Variants in MARCHF1 observed in about 807,000 individuals in gnomAD.
The protein encoded by MARCHF1 is membrane associated ring-CH-type finger 1.
In MARCHF1, 40 loss-of-function variants were observed where a neutral mutation model predicts 54.2. The ratio of observed to expected loss-of-function variants is 0.74; its 90% CI spans 0.57 to 0.96. MARCHF1 has a LOEUF of 0.96. Among genes scored for constraint, MARCHF1 ranks in the 40% least tolerant of loss-of-function variants. The pLI, the probability that MARCHF1 is intolerant of heterozygous loss-of-function variation, is 0.00. For missense variants in MARCHF1, 586 were observed against 656.5 expected, an observed-to-expected ratio of 0.89 and a Z score of 1.17; for synonymous variants, 236 against 236.3, an observed-to-expected ratio of 1.00 and a Z score of 0.01.
chr4:164,326,916 G>A (rs1283526225), intron 1 of MARCHF1, among the ~76,000 whole-genome samples: 1 of 150,342 alleles, frequency 6.7e-6, no homozygotes, highest in Non-Finnish European at 1.5e-5. Context: ...GTTCAATAGG[G>A]GGTTAATAAT....
intron 1 of MARCHF1, among the ~76,000 whole-genome samples, chr4:164,162,569 A>T (rs932938581): frequency 6.6e-6 from 1 of 152,170 alleles, no homozygotes; most frequent in Non-Finnish European, 1.5e-5. Flanking sequence ...AAACCAGAGG[A>T]CAACAGAGGT....
intron 1 of MARCHF1, among the ~76,000 whole-genome samples, chr4:164,248,789 T>G (rs1019797064): frequency 6.6e-6 from 1 of 152,056 alleles, no homozygotes; most frequent in Non-Finnish European, 1.5e-5. Flanking sequence ...TATTTCTCAG[T>G]TCTTTACATG....
intron 2 of MARCHF1, among the ~76,000 whole-genome samples, chr4:164,017,412 T>C (rs910526546): frequency 9.9e-5 from 15 of 152,046 alleles, no homozygotes; most frequent in Non-Finnish European, 1.8e-4. Flanking sequence ...ATCAGTTCTA[T>C]AGAAAAGTCT....
At chr4:164,010,332 C>T (rs752941622) in intron 2 of MARCHF1, among the ~76,000 whole-genome samples, 6 of 151,526 alleles carry the variant, frequency 4.0e-5, no homozygotes, top group South Asian at 4.2e-4. Flanking sequence ...CTCTTGACCT[C>T]GTGATCTGCC....
At chr4:164,099,706 T>C (rs6536797) in intron 2 of MARCHF1, among the ~76,000 whole-genome samples, 127,585 of 152,014 alleles carry the variant, frequency 0.84, 54,045 homozygotes, top group Non-Finnish European at 0.89. Context: ...AATGAGAGTT[T>C]GTCATGCTTA....
intron 3 of MARCHF1, among the ~76,000 whole-genome samples, chr4:163,897,990 G>C (rs962093964): frequency 1.3e-5 from 2 of 150,160 alleles, no homozygotes; most frequent in African/African-American, 4.9e-5. Context: ...GAACCCGGGA[G>C]GCGGAGCTTG....
chr4:164,273,084 T>C (rs192223818), intron 1 of MARCHF1, among the ~76,000 whole-genome samples: 46 of 152,004 alleles, frequency 3.0e-4, no homozygotes, highest in East Asian at 2.1e-3. Flanking sequence ...AAGTTTTATA[T>C]AGTAGGTGTA....
intron 5 of MARCHF1, among the ~76,000 whole-genome samples, chr4:163,618,757 T>C (rs1741590584): frequency 6.6e-6 from 1 of 152,174 alleles, no homozygotes; most frequent in South Asian, 2.1e-4. Flanking sequence ...TAATATGATA[T>C]ACTCTGGAAA....
intron 4 of MARCHF1, among the ~76,000 whole-genome samples, chr4:163,727,569 T>G (rs1745699294): frequency 6.6e-6 from 1 of 152,152 alleles, no homozygotes; most frequent in Admixed American, 6.5e-5. Flanking sequence ...CCTCCCAAAG[T>G]GCTGGGATTA....
intron 1 of MARCHF1, among the ~76,000 whole-genome samples, chr4:164,131,500 C>T (rs1237927874): frequency 6.6e-6 from 1 of 151,982 alleles, no homozygotes. Context: ...CATTGTAATG[C>T]ACTTCAAGGT....
chr4:164,128,039 C>T (rs1011423124), intron 1 of MARCHF1, among the ~76,000 whole-genome samples: 2 of 152,046 alleles, frequency 1.3e-5, no homozygotes, highest in African/African-American at 4.8e-5. Flanking sequence ...TTAGACTCAT[C>T]AATATAATTC....
chr4:163,784,140 CT>C (rs397796838), intron 4 of MARCHF1, among the ~76,000 whole-genome samples: 3,044 of 142,706 alleles, frequency 0.021, 36 homozygotes, highest in African/African-American at 0.045. Flanking sequence ...AGCAGAAATT[CT>C]TTTTTTTTTT....
chr4:164,180,652 A>G (rs887941630), intron 1 of MARCHF1, among the ~76,000 whole-genome samples: 5 of 152,318 alleles, frequency 3.3e-5, no homozygotes, highest in Admixed American at 3.3e-4. Context: ...TTAGGTCAAG[A>G]CAGCTGAATA....
chr4:163,538,083 G>A (rs1191894679), intron 9 of MARCHF1, among the ~76,000 whole-genome samples: 1 of 152,172 alleles, frequency 6.6e-6, no homozygotes, highest in Non-Finnish European at 1.5e-5. Flanking sequence ...AAAGTCTAGT[G>A]CCACCAGAAC....
chr4:163,924,655 G>A (rs1443739998), intron 3 of MARCHF1, among the ~76,000 whole-genome samples: 1 of 151,974 alleles, frequency 6.6e-6, no homozygotes, highest in East Asian at 1.9e-4. Flanking sequence ...AATAGTATGA[G>A]GTGGGTGTAA....
chr4:163,631,111 T>G (rs17043993), intron 5 of MARCHF1, among the ~76,000 whole-genome samples: 2,678 of 152,256 alleles, frequency 0.018, 54 homozygotes, highest in African/African-American at 0.056. Flanking sequence ...AGCTGGACTT[T>G]CTGAGACATG....
intron 1 of MARCHF1, among the ~76,000 whole-genome samples, chr4:164,125,019 C>T (rs1209961935): frequency 7.2e-5 from 11 of 151,968 alleles, no homozygotes; most frequent in African/African-American, 2.7e-4. Context: ...GTATTGCATG[C>T]CTGTATTACA....
intron 4 of MARCHF1, among the ~76,000 whole-genome samples, chr4:163,802,420 A>T (rs1290805242): frequency 6.6e-6 from 1 of 152,226 alleles, no homozygotes; most frequent in Non-Finnish European, 1.5e-5. Flanking sequence ...CCTGTAATTT[A>T]CTTCATATTT....
intron 1 of MARCHF1, among the ~76,000 whole-genome samples, chr4:164,340,967 GC>G (rs1485886825): frequency 6.6e-6 from 1 of 150,484 alleles, no homozygotes; most frequent in East Asian, 1.9e-4. Flanking sequence ...GAATCTAGAT[GC>G]AAAACTCCTC....
Sources: gnomAD v4.1 joint callset for allele counts (sites outside exome capture counted in the v4.1 genomes callset) on GRCh38, gnomAD v4.1.1 for gene constraint, MANE v1.5 for transcripts, NCBI Gene and HGNC (gene_info 2026-07-23, HGNC 2026-07-21) for gene names.